The following PCMTD1 variants were observed in gnomAD, a reference collection of about 807,000 sequenced individuals.
PCMTD1 encodes protein-L-isoaspartate (D-aspartate) O-methyltransferase domain containing 1, also known as protein-L-isoaspartate O-methyltransferase domain-containing protein 1.
In PCMTD1, 12 loss-of-function variants were observed where a neutral mutation model predicts 37.6. That is an observed-to-expected ratio of 0.32 (90% CI 0.20 to 0.52). The LOEUF (loss-of-function observed/expected upper bound fraction) is 0.52, where lower values mean the gene tolerates loss of function less well. PCMTD1 is among the 20% of genes least tolerant of loss of function. PCMTD1 has a pLI of 0.97. For synonymous variants in PCMTD1, 117 were observed against 135.8 expected (o/e 0.86, Z 0.96); for missense variants, 235 against 421.3 (o/e 0.56, Z 3.87).
At chr8:51,827,380 A>T in intron 5 of PCMTD1, 1 of 739,018 alleles carries the variant, frequency 1.4e-6, no homozygotes, top group Non-Finnish European at 2.1e-6. Flanking sequence ...ATTAAATGGA[A>T]AAATTGAGAA....
At chr8:51,894,508 G>C (rs1441951833) in intron 1 of PCMTD1, among the ~76,000 whole-genome samples, 3 of 152,142 alleles carry the variant, frequency 2.0e-5, no homozygotes, top group African/African-American at 7.2e-5. Flanking sequence ...AGATCATGAA[G>C]TTCCAATTTC....
chr8:51,892,210 T>C (rs1447972191), intron 1 of PCMTD1, among the ~76,000 whole-genome samples: 1 of 152,228 alleles, frequency 6.6e-6, no homozygotes, highest in Non-Finnish European at 1.5e-5. Flanking sequence ...CAAAGGGATC[T>C]AAATTCATCC....
intron 3 of PCMTD1, among the ~76,000 whole-genome samples, chr8:51,837,636 C>CT (rs1195274848): frequency 6.6e-6 from 1 of 152,130 alleles, no homozygotes; most frequent in African/African-American, 2.4e-5. Flanking sequence ...CATATTCTCA[C>CT]TTTTTTTCAA....
chr8:51,834,808 C>T (rs942988198), intron 3 of PCMTD1, among the ~76,000 whole-genome samples: 19 of 152,114 alleles, frequency 1.2e-4, no homozygotes, highest in African/African-American at 4.3e-4. Flanking sequence ...AGAAAATTTA[C>T]CAAAATATAT....
chr8:51,896,441 CA>C (rs1397569611), intron 1 of PCMTD1: 1 of 152,080 alleles, frequency 6.6e-6, no homozygotes, highest in Non-Finnish European at 1.5e-5. Flanking sequence ...TTCTTTCCAG[CA>C]CACTAATTTA....
Position 51,824,227 on chromosome 8 carries a change from T to C in PCMTD1, c.707-3509A>G, listed in dbSNP as rs146535777. Reference sequence around the variant, plus strand: ...TCAGACAAGAGAAAGAAATAAAGCATAGTCAAATAGGAAGAGAGGAAGTCA... The same window carrying C: ...TCAGACAAGAGAAAGAAATAAAGCACAGTCAAATAGGAAGAGAGGAAGTCA... On this transcript the variant is annotated intron_variant, in intron 5 of 5. Coordinates refer to ENST00000522514, the MANE Select transcript of PCMTD1 (RefSeq NM_052937.4). 5.4e-3 allele frequency among the ~76,000 whole-genome samples: 827 copies of C among 152,292 alleles called. 9 individuals are homozygous for C. The highest frequency in any genetic ancestry group is 0.019 in the African/African-American group (790 of 41,562).
intron 1 of PCMTD1, among the ~76,000 whole-genome samples, chr8:51,865,971 G>A (rs908464547): frequency 6.6e-6 from 1 of 151,098 alleles, no homozygotes; most frequent in Admixed American, 6.6e-5. Context: ...AAAGTTGCAG[G>A]GTACAAAATC....
intron 5 of PCMTD1, among the ~76,000 whole-genome samples, chr8:51,821,933 C>T (rs1401708651): frequency 2.0e-5 from 3 of 152,084 alleles, no homozygotes; most frequent in Admixed American, 1.3e-4. Context: ...GATGGGGTTT[C>T]ACCATGTTAG....
At position 51,825,550 on chromosome 8, in the gene PCMTD1, C is replaced by T. The variant is rs549056578; in HGVS notation, c.707-4832G>A. Among the ~76,000 whole-genome samples, 7 of 57,442 alleles carry T rather than the reference C, an allele frequency of 1.2e-4. 1 individual carries two copies. The highest frequency in any genetic ancestry group is 1.8e-4 in the Non-Finnish European group (2 of 10,852). The allele number at this position is 57,442 out of a possible 152,430, so 37.7% of individuals were successfully genotyped here. A position where few individuals can be genotyped will look rare whatever the true frequency, so the allele number is the denominator to read the frequency against. ...TCTACTAAAAATACAAAAAATTAGC[C>T]GGGCGCGGTGGCGGGCGCCTGTAGT... On this transcript the variant is annotated intron_variant, in intron 5 of 5. Transcript: ENST00000522514.
intron 3 of PCMTD1, among the ~76,000 whole-genome samples, chr8:51,834,647 G>T (rs969361202): frequency 6.6e-6 from 1 of 152,160 alleles, no homozygotes; most frequent in Non-Finnish European, 1.5e-5. Flanking sequence ...GGTTTAGCAT[G>T]CAGTTAAAAA....
At chr8:51,899,164 A>G, upstream of PCMTD1, 1 of 1,325,678 alleles carries the variant, frequency 7.5e-7, no homozygotes, top group East Asian at 3.1e-5. Flanking sequence ...CAAAGTCAAC[A>G]AGGCCGGGAG....
intron 5 of PCMTD1, among the ~76,000 whole-genome samples, chr8:51,825,265 G>C (rs1008252543): frequency 6.6e-6 from 1 of 152,108 alleles, no homozygotes; most frequent in African/African-American, 2.4e-5. Flanking sequence ...ACAACCTACA[G>C]AATGGGAGAA....
intron 2 of PCMTD1, among the ~76,000 whole-genome samples, chr8:51,856,355 A>C (rs1350262765): frequency 6.6e-6 from 1 of 152,228 alleles, no homozygotes; most frequent in Non-Finnish European, 1.5e-5. Context: ...TAAAAAATGA[A>C]GTAACAAGTA....
chr8:51,821,829 G>A (rs1471445283), intron 5 of PCMTD1, among the ~76,000 whole-genome samples: 7 of 150,572 alleles, frequency 4.6e-5, no homozygotes, highest in African/African-American at 1.2e-4. Context: ...TCCACCTCCC[G>A]GGTTCAAGCG....
At chr8:51,874,307 A>C (rs577986734) in intron 1 of PCMTD1, among the ~76,000 whole-genome samples, 7 of 152,294 alleles carry the variant, frequency 4.6e-5, no homozygotes, top group Non-Finnish European at 1.0e-4. Context: ...TTTAAACTAC[A>C]GTTCAGAACT....
Position 51,820,201 on chromosome 8 carries a change from A to G in PCMTD1, c.*150T>C. The G allele has an allele frequency of 1.7e-6, 1 of 600,552 alleles. No individual in the cohort carries two copies. The highest frequency in any genetic ancestry group is 3.9e-5 in the Admixed American group (1 of 25,384). 37.2% of individuals were successfully genotyped at this position (600,552 alleles called of 1,614,324 possible). A position where few individuals can be genotyped will look rare whatever the true frequency, so the allele number is the denominator to read the frequency against. The stretch of plus-strand genomic sequence containing the variant: ...AGGGATTCTTTTATTCACTGAATAC[A>G]TCATTTGTGTTACTGACAGAAACAA... On this transcript the variant is annotated 3_prime_UTR_variant, in exon 6 of 6. Coordinates refer to ENST00000522514, the MANE Select transcript of PCMTD1 (RefSeq NM_052937.4).
intron 1 of PCMTD1, chr8:51,896,102 A>C: frequency 6.6e-6 from 1 of 151,612 alleles, no homozygotes; most frequent in Non-Finnish European, 1.5e-5. Flanking sequence ...CCCACCACCA[A>C]GCTCGGCTAA....
intron 2 of PCMTD1, among the ~76,000 whole-genome samples, chr8:51,854,001 GAC>G (rs2038345928): frequency 6.6e-6 from 1 of 152,162 alleles, no homozygotes; most frequent in South Asian, 2.1e-4. Context: ...ATTCTCAAGA[GAC>G]AAAATTTGCA....
chr8:51,844,314 A>G (rs924627251), intron 3 of PCMTD1, among the ~76,000 whole-genome samples: 1 of 152,234 alleles, frequency 6.6e-6, no homozygotes, highest in African/African-American at 2.4e-5. Flanking sequence ...TATAAAGACA[A>G]GCATAAATAA....
Sources: allele counts gnomAD v4.1 joint callset (sites outside exome capture counted in the v4.1 genomes callset), GRCh38; gene constraint gnomAD v4.1.1; transcripts MANE v1.5; gene names NCBI Gene and HGNC (gene_info 2026-07-23, HGNC 2026-07-21).